ALDH3B1: variants seen among roughly 807,000 people sequenced by gnomAD.
ALDH3B1 encodes the protein aldehyde dehydrogenase 3 family member B1.
A neutral mutation model predicts 46.2 loss-of-function variants in ALDH3B1; 37 were observed. The ratio of observed to expected loss-of-function variants is 0.80; its 90% CI spans 0.62 to 1.05. The LOEUF is 1.05. Among genes scored for constraint, ALDH3B1 ranks in the 50% least tolerant of loss-of-function variants. The pLI is 0.00. For missense variants in ALDH3B1, 603 were observed against 665.5 expected (o/e 0.91, Z 1.03); for synonymous variants, 283 against 281.0 (o/e 1.01, Z -0.07).
intron 1 of ALDH3B1, among the ~76,000 whole-genome samples, chr11:68,013,555 A>G (rs1407133543): frequency 6.6e-6 from 1 of 152,240 alleles, no homozygotes; most frequent in African/African-American, 2.4e-5. Context: ...TTAGCAAAAC[A>G]CCCAGAGCTG....
At chr11:68,019,899 TC>T in intron 6 of ALDH3B1, 103 bp downstream of exon 6, 1 of 414,988 alleles carries the variant, frequency 2.4e-6, no homozygotes, top group South Asian at 6.8e-5. Flanking sequence ...TGAATTCTCC[TC>T]TCTCTCTCTC....
At chr11:68,013,445 G>C (rs1439508728) in intron 1 of ALDH3B1, among the ~76,000 whole-genome samples, 2 of 152,220 alleles carry the variant, frequency 1.3e-5, no homozygotes, top group East Asian at 3.8e-4. Context: ...GCACAGGCGT[G>C]GTTTGCCTTT....
At chr11:68,020,964 G>A (rs1206610347) in intron 6 of ALDH3B1, among the ~76,000 whole-genome samples, 1 of 152,184 alleles carries the variant, frequency 6.6e-6, no homozygotes, top group African/African-American at 2.4e-5. Flanking sequence ...GGCAGGACAT[G>A]GGGACGCCTG....
chr11:68,011,095 T>G (rs904777123), intron 1 of ALDH3B1, among the ~76,000 whole-genome samples: 1 of 152,226 alleles, frequency 6.6e-6, no homozygotes, highest in Non-Finnish European at 1.5e-5. Context: ...AAAATCCAGC[T>G]TAAGGCCATC....
upstream of ALDH3B1, among the ~76,000 whole-genome samples, chr11:68,009,034 C>T (rs1052539777): frequency 6.6e-6 from 1 of 152,302 alleles, no homozygotes; most frequent in Non-Finnish European, 1.5e-5. Flanking sequence ...CAAGGCGACA[C>T]GTGGCATCAT....
chr11:68,021,555 G>T lies in ALDH3B1; in HGVS notation c.633G>T (p.Leu211=). 1.2e-6 allele frequency: 2 copies of T among 1,613,820 alleles called. No homozygotes were observed. Among genetic ancestry groups the T allele is most frequent in the Non-Finnish European group, 1.7e-6 (2 of 1,179,768 alleles). Residue 211 remains leucine, a synonymous_variant, in exon 7 of 10, where the codon CTG becomes CTT. Transcript: ENST00000342456. ...AKHLTPVTLE[L]GGKNPCYVDD... The stretch of plus-strand genomic sequence containing the variant: ...ACCTGACACCTGTCACCCTGGAGCT[G>T]GGGGGCAAGAACCCTTGCTACGTGG...
chr11:68,013,003 A>G (rs1838019761), intron 1 of ALDH3B1, among the ~76,000 whole-genome samples: 2 of 151,706 alleles, frequency 1.3e-5, no homozygotes, highest in Admixed American at 6.6e-5. Context: ...TTACAACCTC[A>G]CACTGTGGGA....
At chr11:68,027,151 T>G (rs1857645867) in intron 9 of ALDH3B1, among the ~76,000 whole-genome samples, 1 of 151,880 alleles carries the variant, frequency 6.6e-6, no homozygotes, top group Admixed American at 6.6e-5. Flanking sequence ...GGCACCCACC[T>G]CTAAGGCTCC....
At chr11:68,010,106 C>T (rs912615165), upstream of ALDH3B1, among the ~76,000 whole-genome samples, 4 of 152,210 alleles carry the variant, frequency 2.6e-5, no homozygotes, top group African/African-American at 7.2e-5. Flanking sequence ...TCAGGCTGCC[C>T]CTCAGCTCGG....
At chr11:68,019,012 C>A in intron 4 of ALDH3B1, 119 bp downstream of exon 4, 2 of 1,468,390 alleles carry the variant, frequency 1.4e-6, no homozygotes, top group Admixed American at 2.2e-5. Context: ...CTGTCTGGTC[C>A]ACCGTCCCCG....
intron 2 of ALDH3B1, chr11:68,016,131 C>A (rs569570889): frequency 8.3e-5 from 13 of 155,726 alleles, no homozygotes; most frequent in Admixed American, 7.6e-4. Context: ...TGGAGACACA[C>A]CCAGGGTGAA....
At chr11:68,010,975 G>A (rs1857217216) in intron 1 of ALDH3B1, among the ~76,000 whole-genome samples, 1 of 152,248 alleles carries the variant, frequency 6.6e-6, no homozygotes, top group Non-Finnish European at 1.5e-5. Flanking sequence ...AGCCGAGGCT[G>A]TTCAGCCTCT....
chr11:68,026,195 G>A (rs1367879427), intron 9 of ALDH3B1, 87 bp downstream of exon 9: 1 of 1,172,186 alleles, frequency 8.5e-7, no homozygotes, highest in African/African-American at 1.6e-5. Context: ...AAGCACCCCA[G>A]CCCCACCTCA....
chr11:68,028,631 T>G lies in ALDH3B1; in HGVS notation c.*692T>G, dbSNP rs972236866. The G allele has an allele frequency of 6.6e-6, 1 of 150,438 alleles. No homozygotes were observed. The highest frequency in any genetic ancestry group is 2.5e-5 in the African/African-American group (1 of 40,382). The allele number at this position is 150,438 out of a possible 1,614,324, so 9.3% of individuals were successfully genotyped here. A position where few individuals can be genotyped will look rare whatever the true frequency, so the allele number is the denominator to read the frequency against. ...GGTGGAGGTTGCCGTGAGCTGAGAT[T>G]GCGTCACTGAACTCCGGCCTGGGTG... is the stretch of plus-strand genomic sequence containing the variant. On this transcript the variant is annotated 3_prime_UTR_variant, in exon 10 of 10. Coordinates refer to ENST00000342456, the MANE Select transcript of ALDH3B1 (RefSeq NM_000694.4).
In ALDH3B1 at chr11:68,013,383, G is replaced by A. The variant is rs895163989; in HGVS notation, c.-1-1914G>A. Reference sequence around the variant, plus strand: ...GCCCACAGTCCACCATTCACGTTACGTGCCTTGCATTTTTGTGGTTTCTGC... The same window carrying A: ...GCCCACAGTCCACCATTCACGTTACATGCCTTGCATTTTTGTGGTTTCTGC... On this transcript the variant is annotated intron_variant, in intron 1 of 9. Transcript: ENST00000342456. 4.6e-5 allele frequency among the ~76,000 whole-genome samples: 7 copies of A among 152,328 alleles called. No homozygotes were observed. The East Asian group carries it at 5.8e-4, about 13-fold the overall frequency.
Position 68,021,806 on chromosome 11 carries a change from G to A in ALDH3B1, c.884G>A (p.Arg295Gln), listed in dbSNP as rs139979796. 1.9e-3 allele frequency: 3,119 copies of A among 1,614,090 alleles called. 49 individuals are homozygous for A. The African/African-American group carries it at 0.037, about 19-fold the overall frequency. ...IINQKQFQRL[R>Q]ALLGCGRVAI... is the part of the protein sequence containing the mutation. ...AACCAGAAACAGTTCCAGCGGCTGC[G>A]GGCATTGCTGGGCTGCGGCCGTGTG... is the stretch of plus-strand genomic sequence containing the variant. Residue 295 changes from arginine (R) to glutamine (Q), a missense_variant, in exon 7 of 10, where the codon CGG (arginine) becomes CAG (glutamine). Physicochemically the swap from Arg to Gln is conservative, Grantham distance 43. Transcript: ENST00000342456.
At chr11:68,019,117 A>C in intron 4 of ALDH3B1, 53 bp from the exon 5 acceptor site, 1 of 1,562,240 alleles carries the variant, frequency 6.4e-7, no homozygotes, top group Non-Finnish European at 8.7e-7. Flanking sequence ...AGGTGTGTGG[A>C]GACCAGGAGC....
Position 68,028,128 on chromosome 11 carries a change from C to T in ALDH3B1, c.*189C>T. 4 of 843,278 alleles carry T rather than the reference C, an allele frequency of 4.7e-6. No individual in the cohort carries two copies. Among genetic ancestry groups the T allele is most frequent in the South Asian group, 1.3e-5 (1 of 74,456 alleles). The allele number at this position is 843,278 out of a possible 1,614,324, so 52.2% of individuals were successfully genotyped here. A position where few individuals can be genotyped will look rare whatever the true frequency, so the allele number is the denominator to read the frequency against. ...CTGCCTCAGCCTCCTCCCTCAGCCGCTCCCAACCATGAGAGCCGAGGTGGG... is the reference window on the plus strand; with the variant it reads ...CTGCCTCAGCCTCCTCCCTCAGCCGTTCCCAACCATGAGAGCCGAGGTGGG... On this transcript the variant is annotated 3_prime_UTR_variant, in exon 10 of 10. Transcript: ENST00000342456.
intron 1 of ALDH3B1, among the ~76,000 whole-genome samples, chr11:68,012,955 G>A (rs1857264471): frequency 6.6e-6 from 1 of 152,124 alleles, no homozygotes; most frequent in Non-Finnish European, 1.5e-5. Flanking sequence ...CGGCCGTGGT[G>A]GTGAAATGAG....
Sources: gnomAD v4.1 joint callset for allele counts (sites outside exome capture counted in the v4.1 genomes callset) on GRCh38, gnomAD v4.1.1 for gene constraint, MANE v1.5 for transcripts, NCBI Gene and HGNC (gene_info 2026-07-23, HGNC 2026-07-21) for gene names.